SNTG1: variants seen among roughly 807,000 people sequenced by gnomAD.
SNTG1 encodes gamma-1-syntrophin.
SNTG1 carries 39 observed loss-of-function variants against 74.7 expected under a neutral mutation model. The ratio of observed to expected loss-of-function variants is 0.52; its 90% confidence interval spans 0.40 to 0.68. The LOEUF (loss-of-function observed/expected upper bound fraction) is 0.68, where lower values mean the gene tolerates loss of function less well. SNTG1 is among the 30% of genes least tolerant of loss of function. The pLI is 0.00. For synonymous variants in SNTG1, 254 were observed against 217.1 expected (o/e 1.17, Z -1.49); for missense variants, 685 against 609.5 (o/e 1.12, Z -1.30).
chr8:50,096,772 A>G (rs2079943830), intron 1 of SNTG1, among the ~76,000 whole-genome samples: 1 of 152,188 alleles, frequency 6.6e-6, no homozygotes, highest in African/African-American at 2.4e-5. Context: ...AAATTTGGTA[A>G]GATTATCCAC....
intron 2 of SNTG1, among the ~76,000 whole-genome samples, chr8:50,272,500 T>C (rs910791485): frequency 1.3e-5 from 2 of 152,158 alleles, no homozygotes; most frequent in Admixed American, 1.3e-4. Flanking sequence ...ACATGAAGAT[T>C]GTTCACAGCA....
intron 2 of SNTG1, among the ~76,000 whole-genome samples, chr8:50,178,579 G>A (rs1269450129): frequency 6.6e-6 from 1 of 152,118 alleles, no homozygotes; most frequent in African/African-American, 2.4e-5. Flanking sequence ...CCCAGTATTA[G>A]TCAATATCTT....
intron 1 of SNTG1, among the ~76,000 whole-genome samples, chr8:50,048,882 G>A (rs1194656019): frequency 6.6e-6 from 1 of 151,908 alleles, no homozygotes; most frequent in East Asian, 1.9e-4. Flanking sequence ...TTTTAATTTT[G>A]TAATTCTTTA....
At chr8:50,702,394 T>C (rs2095429274) in intron 15 of SNTG1, among the ~76,000 whole-genome samples, 1 of 152,194 alleles carries the variant, frequency 6.6e-6, no homozygotes, top group African/African-American at 2.4e-5. Context: ...GAGCATCTAC[T>C]GGCAGCAAGG....
chr8:50,697,380 C>T (rs1911837), intron 15 of SNTG1, among the ~76,000 whole-genome samples: 143,059 of 152,238 alleles, frequency 0.94, 67,259 homozygotes, highest in East Asian at 1. Context: ...CAAACAAGGA[C>T]AATTGACTTT....
intron 3 of SNTG1, among the ~76,000 whole-genome samples, chr8:50,396,252 T>C (rs1210788194): frequency 1.3e-5 from 2 of 152,220 alleles, no homozygotes; most frequent in African/African-American, 4.8e-5. Flanking sequence ...GAGATATAGC[T>C]AAATATTGCT....
chr8:50,758,492 G>T (rs2095587533), intron 18 of SNTG1, among the ~76,000 whole-genome samples: 1 of 151,824 alleles, frequency 6.6e-6, no homozygotes, highest in Non-Finnish European at 1.5e-5. Context: ...CTCTTGACAA[G>T]CTCCAGTGTG....
In SNTG1 at chr8:50,585,589, G is replaced by T. The variant is rs2094642925; in HGVS notation, c.811-5290G>T. ...AAGATCAGTCTTAAAATGATGCAGA[G>T]AATTTAGAATTTTCATTATTTGGAA... is the stretch of plus-strand genomic sequence containing the variant. On this transcript the variant is annotated intron_variant, in intron 12 of 18. Coordinates refer to ENST00000642720, the MANE Select transcript of SNTG1 (RefSeq NM_018967.5). 2.0e-5 allele frequency among the ~76,000 whole-genome samples: 3 copies of T among 152,074 alleles called. No individual in the cohort carries two copies. The South Asian group carries it at 6.2e-4, about 32-fold the overall frequency.
chr8:50,792,034 G>T (rs1462148327), intron 18 of SNTG1, among the ~76,000 whole-genome samples: 1 of 150,640 alleles, frequency 6.6e-6, no homozygotes, highest in African/African-American at 2.4e-5. Context: ...ATTTAAATGA[G>T]AAACCTATTT....
At chr8:50,547,834 C>G (rs1305091028) in intron 11 of SNTG1, among the ~76,000 whole-genome samples, 12 of 152,102 alleles carry the variant, frequency 7.9e-5, no homozygotes, top group Non-Finnish European at 1.0e-4. Flanking sequence ...TGTAGTGCTT[C>G]TACTGATGTC....
At chr8:50,293,264 T>C (rs2089203959) in intron 2 of SNTG1, among the ~76,000 whole-genome samples, 1 of 152,108 alleles carries the variant, frequency 6.6e-6, no homozygotes, top group African/African-American at 2.4e-5. Flanking sequence ...GGTTGGTTCC[T>C]CCTGAGGCCT....
At chr8:50,193,824 C>T (rs1457154907) in intron 2 of SNTG1, among the ~76,000 whole-genome samples, 1 of 152,048 alleles carries the variant, frequency 6.6e-6, no homozygotes, top group Non-Finnish European at 1.5e-5. Flanking sequence ...AGATGACCTT[C>T]ATTACCTTAA....
At chr8:50,270,397 A>ATAGT (rs771149466) in intron 2 of SNTG1, among the ~76,000 whole-genome samples, 23 of 152,314 alleles carry the variant, frequency 1.5e-4, no homozygotes, top group Non-Finnish European at 2.8e-4. Flanking sequence ...TGTACTGTGG[A>ATAGT]TAGTTCTCTA....
chr8:50,737,448 A>G (rs777345139), intron 17 of SNTG1, among the ~76,000 whole-genome samples: 1 of 152,178 alleles, frequency 6.6e-6, no homozygotes, highest in Non-Finnish European at 1.5e-5. Context: ...GCACAGGACT[A>G]GATGGATTCA....
intron 2 of SNTG1, among the ~76,000 whole-genome samples, chr8:50,325,642 T>C (rs1255867523): frequency 6.6e-6 from 1 of 152,070 alleles, no homozygotes; most frequent in Non-Finnish European, 1.5e-5. Context: ...ATGTACACTA[T>C]CAAGCTTGCA....
At chr8:50,501,231 C>T (rs778454368) in intron 8 of SNTG1, among the ~76,000 whole-genome samples, 2 of 151,930 alleles carry the variant, frequency 1.3e-5, no homozygotes, top group Admixed American at 6.6e-5. Flanking sequence ...AGAAAGTGCC[C>T]GGCCTGTTTG....
intron 2 of SNTG1, among the ~76,000 whole-genome samples, chr8:50,246,924 C>A (rs976768597): frequency 1.3e-5 from 2 of 152,168 alleles, no homozygotes; most frequent in East Asian, 1.9e-4. Flanking sequence ...TGTTACAATT[C>A]TTTAAGCAAA....
chr8:50,692,871 G>A (rs966518708), intron 15 of SNTG1, among the ~76,000 whole-genome samples: 8 of 152,264 alleles, frequency 5.3e-5, no homozygotes, highest in Non-Finnish European at 1.2e-4. Flanking sequence ...GAGGCAGGCA[G>A]GCCTCCTTGA....
intron 2 of SNTG1, among the ~76,000 whole-genome samples, chr8:50,351,454 G>C (rs1167226642): frequency 6.6e-6 from 1 of 152,154 alleles, no homozygotes; most frequent in Non-Finnish European, 1.5e-5. Flanking sequence ...TAGAAACATT[G>C]TGTTTATCTC....
Sources: allele counts gnomAD v4.1 joint callset (sites outside exome capture counted in the v4.1 genomes callset), GRCh38; gene constraint gnomAD v4.1.1; transcripts MANE v1.5; gene names NCBI Gene and HGNC (gene_info 2026-07-23, HGNC 2026-07-21).